Variants in SLC9A1 observed in about 807,000 individuals in gnomAD.
The protein encoded by SLC9A1 is sodium/hydrogen exchanger 1.
Under a neutral mutation model 67.9 loss-of-function variants are expected in SLC9A1, and 22 were observed. That is an observed-to-expected ratio of 0.32 (90% CI 0.23 to 0.46). SLC9A1 has a LOEUF of 0.46. Among genes scored for constraint, SLC9A1 ranks in the 20% least tolerant of loss-of-function variants. The pLI is 1.00. For synonymous variants in SLC9A1, 421 were observed against 471.8 expected, an observed-to-expected ratio of 0.89 and a Z score of 1.40; for missense variants, 686 against 1,094.8, an observed-to-expected ratio of 0.63 and a Z score of 5.27.
chr1:27,143,046 TAAA>T (rs55970751), intron 1 of SLC9A1, among the ~76,000 whole-genome samples: 35 of 98,402 alleles, frequency 3.6e-4, no homozygotes, highest in African/African-American at 5.7e-4. Flanking sequence ...ATCAACTGTG[TAAA>T]AAAAAAAAAA....
intron 1 of SLC9A1, among the ~76,000 whole-genome samples, chr1:27,146,098 G>C (rs757190060): frequency 3.3e-5 from 5 of 152,188 alleles, no homozygotes; most frequent in Non-Finnish European, 5.9e-5. Context: ...TTTGCAGGGG[G>C]AGCGAGTGCT....
chr1:27,145,559 G>T (rs2083479920), intron 1 of SLC9A1, among the ~76,000 whole-genome samples: 3 of 152,170 alleles, frequency 2.0e-5, no homozygotes, highest in Admixed American at 2.0e-4. Context: ...ACACAGCTGT[G>T]ATATCACTCC....
Position 27,147,831 on chromosome 1 carries a change from C to T in SLC9A1, c.352+6152G>A, listed in dbSNP as rs12121019. On this transcript the variant is annotated intron_variant, in intron 1 of 11. Coordinates refer to ENST00000263980, the MANE Select transcript of SLC9A1 (RefSeq NM_003047.5). ...CCAACACGGCAAAACCCCATCCCTA[C>T]TAAAAATACAAAATTAGCCAGGTGT... Among the ~76,000 whole-genome samples the T allele has an allele frequency of 9.6e-3, 1,463 of 151,774 alleles. 10 individuals are homozygous for T. The highest frequency in any genetic ancestry group is 0.017 in the Non-Finnish European group (1,125 of 67,920).
At chr1:27,153,924 T>C in intron 1 of SLC9A1, 59 bp downstream of exon 1, 4 of 1,171,506 alleles carry the variant, frequency 3.4e-6, no homozygotes, top group Non-Finnish European at 2.4e-6. Context: ...TGGTGCGAGA[T>C]GAGGCAAGAA....
intron 1 of SLC9A1, among the ~76,000 whole-genome samples, chr1:27,127,429 A>T (rs895149531): frequency 6.6e-6 from 1 of 152,242 alleles, no homozygotes; most frequent in Admixed American, 6.5e-5. Flanking sequence ...ATGAGAGAAC[A>T]GACATTGAGA....
chr1:27,106,184 C>G lies in SLC9A1; in HGVS notation c.1283-97G>C. On this transcript the variant is annotated intron_variant, in intron 4 of 11. Transcript: ENST00000263980. The surrounding 1 kb of genome is among the most constrained non-coding windows in gnomAD (Gnocchi z 4.3). ...TGATTTCTCTGTGCATCCAGGAAGT[C>G]TCCATTACGAAGCCCACCCCGCTCA... 1.2e-6 allele frequency: 1 copy of G among 810,002 alleles called. No individual in the cohort carries two copies. Among genetic ancestry groups the G allele is most frequent in the South Asian group, 1.7e-5 (1 of 60,276 alleles). 50.2% of individuals were successfully genotyped at this position (810,002 alleles called of 1,614,324 possible). A position where few individuals can be genotyped will look rare whatever the true frequency, so the allele number is the denominator to read the frequency against.
In SLC9A1 at chr1:27,154,417, G is replaced by A; in HGVS notation, c.-83C>T. 1.2e-6 allele frequency: 1 copy of A among 818,714 alleles called. No homozygotes were observed. Among genetic ancestry groups the A allele is most frequent in the Non-Finnish European group, 1.9e-6 (1 of 527,964 alleles). The allele number at this position is 818,714 out of a possible 1,614,324, so 50.7% of individuals were successfully genotyped here. A position where few individuals can be genotyped will look rare whatever the true frequency, so the allele number is the denominator to read the frequency against. The stretch of plus-strand genomic sequence containing the variant: ...TAGGTAGCAAAGGGTCAGCAAGTGG[G>A]AAGAGAGACTGGCGTAGTCTCTAGG... On this transcript the variant is annotated 5_prime_UTR_variant, in exon 1 of 12. Coordinates refer to ENST00000263980, the MANE Select transcript of SLC9A1 (RefSeq NM_003047.5).
intron 1 of SLC9A1, among the ~76,000 whole-genome samples, chr1:27,126,155 G>A (rs559513811): frequency 6.6e-6 from 1 of 152,134 alleles, no homozygotes; most frequent in Admixed American, 6.5e-5. Context: ...CCTCCCCAGA[G>A]AGGTCCTCCC....
chr1:27,108,509 C>A (rs1166610758), intron 3 of SLC9A1, among the ~76,000 whole-genome samples: 2 of 152,028 alleles, frequency 1.3e-5, no homozygotes, highest in Non-Finnish European at 2.9e-5. Context: ...GAAATGCAGT[C>A]TCTTCTAAAA....
At chr1:27,104,690 C>T (rs1208125272) in intron 5 of SLC9A1, among the ~76,000 whole-genome samples, 1 of 152,168 alleles carries the variant, frequency 6.6e-6, no homozygotes, top group African/African-American at 2.4e-5. Flanking sequence ...CACCAGGGTC[C>T]CCTCTCCCTT....
rs143053893 is a variant in SLC9A1 at position 27,126,525 on chromosome 1, C to T, written c.353-12239G>A. Reference sequence around the variant, plus strand: ...TTCCTAAATACCCCAGGGAGCAGAACCCAGTCACGCTCAGTTCTGTGGCCT... The same window carrying T: ...TTCCTAAATACCCCAGGGAGCAGAATCCAGTCACGCTCAGTTCTGTGGCCT... On this transcript the variant is annotated intron_variant, in intron 1 of 11. Transcript: ENST00000263980. Among the ~76,000 whole-genome samples the T allele has an allele frequency of 3.7e-3, 567 of 152,282 alleles. 6 individuals are homozygous for T. The highest frequency in any genetic ancestry group is 0.013 in the African/African-American group (530 of 41,544).
intron 1 of SLC9A1, among the ~76,000 whole-genome samples, chr1:27,130,280 T>C (rs1053160949): frequency 6.6e-6 from 1 of 152,166 alleles, no homozygotes; most frequent in Non-Finnish European, 1.5e-5. Context: ...TTTTGTGTAT[T>C]TTTAGTAGAG....
chr1:27,120,528 A>G (rs1211411161), intron 1 of SLC9A1, among the ~76,000 whole-genome samples: 1 of 151,422 alleles, frequency 6.6e-6, no homozygotes, highest in African/African-American at 2.4e-5. Flanking sequence ...ACCTGAGGTC[A>G]GGAGTTCTAG....
rs1348399213 is a variant in SLC9A1 at position 27,101,789 on chromosome 1, G to T, written c.1973C>A (p.Pro658His). ...SYNRHTLVAD[P>H]YEEAWNQMLL... ...CATCTGGTTCCAGGCTTCCTCGTAG[G>T]GGTCTGCCACCAGCGTGTGTCTGTT... Residue 658 changes from proline (P) to histidine (H), a missense_variant, in exon 10 of 12, where the codon CCC becomes CAC. By Grantham distance (77) the Pro-to-His change is moderately conservative. This residue lies in a region of SLC9A1 where 226 missense variants were observed against 282.4 expected (regional missense o/e 0.80). Transcript: ENST00000263980. This position sits in a 1 kb window ranked among gnomAD's most constrained non-coding sequence, Gnocchi z 4.9. 6.2e-7 allele frequency: 1 copy of T among 1,612,912 alleles called. No homozygotes were observed. Among genetic ancestry groups the T allele is most frequent in the East Asian group, 2.2e-5 (1 of 44,864 alleles).
intron 1 of SLC9A1, among the ~76,000 whole-genome samples, chr1:27,142,421 T>C (rs558234004): frequency 1.3e-5 from 2 of 152,378 alleles, no homozygotes; most frequent in South Asian, 4.1e-4. Context: ...AGAATTAGAA[T>C]ATTCTATACT....
chr1:27,136,010 G>A (rs2083418443), intron 1 of SLC9A1, among the ~76,000 whole-genome samples: 1 of 152,262 alleles, frequency 6.6e-6, no homozygotes, highest in Non-Finnish European at 1.5e-5. Flanking sequence ...AGGTAGTAGA[G>A]CTGGGATTCA....
At position 27,099,915 on chromosome 1, in the gene SLC9A1, C is replaced by T. The variant is rs2083127281; in HGVS notation, c.*392G>A. 5.3e-6 allele frequency: 1 copy of T among 188,138 alleles called. No individual in the cohort carries two copies. The highest frequency in any genetic ancestry group is 1.9e-4 in the South Asian group (1 of 5,316). 11.7% of individuals were successfully genotyped at this position (188,138 alleles called of 1,614,324 possible). On this transcript the variant is annotated 3_prime_UTR_variant, in exon 12 of 12. Coordinates refer to ENST00000263980, the MANE Select transcript of SLC9A1 (RefSeq NM_003047.5). ...ACTCAAGGGAGGCCTCAGCTCCCTC[C>T]CTTCCTGGGTGGGACCACAGCTGAG...
intron 4 of SLC9A1, 118 bp downstream of exon 4, chr1:27,107,530 A>T: frequency 1.3e-6 from 1 of 756,854 alleles, no homozygotes; most frequent in African/African-American, 1.7e-5. Context: ...CACACACCAC[A>T]TAGCCTGGCC....
At chr1:27,139,282 C>T (rs749909288) in intron 1 of SLC9A1, among the ~76,000 whole-genome samples, 1 of 152,128 alleles carries the variant, frequency 6.6e-6, no homozygotes, top group Non-Finnish European at 1.5e-5. Context: ...GGTGTCTGCA[C>T]AAAGATCTCT....
Sources: allele counts gnomAD v4.1 joint callset (sites outside exome capture counted in the v4.1 genomes callset), GRCh38; gene constraint gnomAD v4.1.1; regional missense constraint gnomAD v4.1.1; non-coding constraint Gnocchi (gnomAD v3.1); transcripts MANE v1.5; gene names NCBI Gene and HGNC (gene_info 2026-07-23, HGNC 2026-07-21).